Variants in NALCN observed in about 807,000 individuals in gnomAD.
The protein encoded by NALCN is sodium leak channel, non-selective.
NALCN carries 111 observed loss-of-function variants against 225.3 expected under a neutral mutation model. The observed-to-expected ratio is 0.49, with a 90% CI of 0.42 to 0.58. NALCN has a LOEUF of 0.58. NALCN is among the 20% of genes least tolerant of loss of function. NALCN has a pLI of 0.00. For synonymous variants in NALCN, 764 were observed against 769.0 expected (o/e 0.99, Z 0.11); for missense variants, 1,378 against 2,202.4 (o/e 0.63, Z 7.49).
At chr13:101,377,087 G>C in intron 4 of NALCN, 31 bp from the exon 5 acceptor site, 2 of 1,613,574 alleles carry the variant, frequency 1.2e-6, no homozygotes, top group Non-Finnish European at 1.7e-6. Flanking sequence ...AAATGAGGTT[G>C]GATTTTCCCT....
rs375558231 is a variant in NALCN, at chr13:101,415,222, T to C, written c.-40+1091A>G. Reference sequence around the variant, plus strand: ...CAAATCACACACATATATATATATATATACATACATATATATTTCAAAATC... The same window carrying C: ...CAAATCACACACATATATATATATACATACATACATATATATTTCAAAATC... On this transcript the variant is annotated intron_variant, in intron 1 of 43. Coordinates refer to ENST00000251127, the MANE Select transcript of NALCN (RefSeq NM_052867.4). Among the ~76,000 whole-genome samples, 41 of 82,978 alleles carry C rather than the reference T, an allele frequency of 4.9e-4. 2 individuals are homozygous for C. Among genetic ancestry groups the C allele is most frequent in the African/African-American group, 1.2e-3 (20 of 17,348 alleles). 54.4% of individuals were successfully genotyped at this position (82,978 alleles called of 152,430 possible).
At chr13:101,163,579 AAAAT>A in intron 15 of NALCN, among the ~76,000 whole-genome samples, 1 of 152,278 alleles carries the variant, frequency 6.6e-6, no homozygotes, top group Admixed American at 6.5e-5. Flanking sequence ...AAGGCAGAAG[AAAAT>A]AACTCCAACT....
chr13:101,338,766 G>T (rs564962889), intron 7 of NALCN, among the ~76,000 whole-genome samples: 2 of 152,274 alleles, frequency 1.3e-5, no homozygotes, highest in South Asian at 4.1e-4. Flanking sequence ...AGAAAATTAG[G>T]AATAAAACTA....
intron 3 of NALCN, among the ~76,000 whole-genome samples, chr13:101,390,977 T>C (rs1473568635): frequency 6.6e-6 from 1 of 151,904 alleles, no homozygotes; most frequent in Non-Finnish European, 1.5e-5. Flanking sequence ...AGTTAATGGG[T>C]GCAGCACACC....
chr13:101,067,259 AGAGGAGGTGGAC>A (rs1471173165), intron 39 of NALCN, among the ~76,000 whole-genome samples: 1 of 99,898 alleles, frequency 1.0e-5, no homozygotes, highest in Non-Finnish European at 1.9e-5. Flanking sequence ...ATGAGGTGGA[AGAGGAGGTGGAC>A]GAGGAGGAGG....
At chr13:101,080,020 A>T (rs1203202508) in intron 34 of NALCN, among the ~76,000 whole-genome samples, 1 of 152,232 alleles carries the variant, frequency 6.6e-6, no homozygotes, top group Non-Finnish European at 1.5e-5. Flanking sequence ...TAACAAAAAG[A>T]AGGTAATTAT....
rs769486074 is a variant in NALCN, at chr13:101,089,809, TC to T, written c.3390+36del. On this transcript the variant is annotated intron_variant, in intron 29 of 43. Coordinates refer to ENST00000251127, the MANE Select transcript of NALCN (RefSeq NM_052867.4). The surrounding 1 kb of genome is among the most constrained non-coding windows in gnomAD (Gnocchi z 4.7). ...ATTCATCAAAACAAATGAAAGCTGCTCTTGAAGTGTTCAAAGGATTCGATGT... is the reference window on the plus strand; with the variant it reads ...ATTCATCAAAACAAATGAAAGCTGCTTTGAAGTGTTCAAAGGATTCGATGT... 3.2e-5 allele frequency: 51 copies of T among 1,613,870 alleles called. 1 individual carries two copies. In the East Asian group the frequency reaches 1.1e-3, roughly 34 times the overall value.
At chr13:101,391,879 G>A (rs2047156760) in intron 3 of NALCN, among the ~76,000 whole-genome samples, 1 of 150,842 alleles carries the variant, frequency 6.6e-6, no homozygotes, top group African/African-American at 2.5e-5. Flanking sequence ...AGCTACTCGG[G>A]AGGCTAAGGC....
Position 101,074,545 on chromosome 13 carries a change from C to T in NALCN, c.4072G>A (p.Gly1358Ser). The change falls in exon 36 of 44, where the codon GGT (glycine) becomes AGT (serine). Residue 1358 changes from glycine to serine, a missense_variant. Gly to Ser is a moderately conservative substitution (Grantham distance 56). Coordinates refer to ENST00000251127, the MANE Select transcript of NALCN (RefSeq NM_052867.4). The part of the protein sequence containing the change: ...CYAFAGVVLF[G>S]TVKYGENINR... ...ATATTCTCCCCATATTTCACAGTAC[C>T]AAATAAAACAACTCCAGCAAAAGCG... is the stretch of plus-strand genomic sequence containing the variant. 6.2e-7 allele frequency: 1 copy of T among 1,612,604 alleles called. No individual in the cohort carries two copies. Among genetic ancestry groups the T allele is most frequent in the Non-Finnish European group, 8.5e-7 (1 of 1,179,626 alleles).
At chr13:101,276,580 A>T (rs1301737473) in intron 10 of NALCN, among the ~76,000 whole-genome samples, 2 of 152,228 alleles carry the variant, frequency 1.3e-5, no homozygotes, top group African/African-American at 4.8e-5. Flanking sequence ...GCATGCCTGC[A>T]TATGGTTCCT....
chr13:101,369,837 G>A (rs2046487834), intron 6 of NALCN, among the ~76,000 whole-genome samples: 1 of 152,018 alleles, frequency 6.6e-6, no homozygotes, highest in Non-Finnish European at 1.5e-5. Flanking sequence ...CCATGCATTT[G>A]TCTCTTCCCT....
chr13:101,288,764 A>G (rs2043435462), intron 9 of NALCN, among the ~76,000 whole-genome samples: 1 of 152,222 alleles, frequency 6.6e-6, no homozygotes, highest in Non-Finnish European at 1.5e-5. Flanking sequence ...TAAAAGTTAG[A>G]TATGTATTGA....
chr13:101,324,791 G>C (rs903067624), intron 7 of NALCN, among the ~76,000 whole-genome samples: 29 of 152,180 alleles, frequency 1.9e-4, no homozygotes, highest in African/African-American at 7.0e-4. Context: ...TGACTGCCCT[G>C]GCCAGAACTT....
chr13:101,389,183 T>C (rs2047073424), intron 3 of NALCN, among the ~76,000 whole-genome samples: 1 of 152,206 alleles, frequency 6.6e-6, no homozygotes, highest in Non-Finnish European at 1.5e-5. Flanking sequence ...ATCTGTTCAT[T>C]GAAGCTATGG....
Position 101,251,890 on chromosome 13 carries a change from G to A in NALCN, c.1266+6553C>T, listed in dbSNP as rs113526688. On this transcript the variant is annotated intron_variant, in intron 11 of 43. Transcript: ENST00000251127. The stretch of plus-strand genomic sequence containing the variant: ...TGGCAGTTTATGACTCATTCCCTCC[G>A]ACAAGACAACTTAATACATATTTAG... Among the ~76,000 whole-genome samples the A allele has an allele frequency of 4.6e-3, 701 of 152,148 alleles. 5 individuals carry two copies. Among genetic ancestry groups the A allele is most frequent in the African/African-American group, 0.015 (637 of 41,504 alleles).
In NALCN at chr13:101,367,704, T is replaced by A. The variant is rs919827227; in HGVS notation, c.644+8996A>T. 2.8e-4 allele frequency among the ~76,000 whole-genome samples: 43 copies of A among 152,114 alleles called. 1 individual carries two copies. Among genetic ancestry groups the A allele is most frequent in the African/African-American group, 1.0e-3 (42 of 41,430 alleles). On this transcript the variant is annotated intron_variant, in intron 6 of 43. Transcript: ENST00000251127. Reference sequence around the variant, plus strand: ...TTATTTTCTGTGTATATGTTGAAGGTTACATGTACATTTTCAAAAGTAGAT... The same window carrying A: ...TTATTTTCTGTGTATATGTTGAAGGATACATGTACATTTTCAAAAGTAGAT...
chr13:101,338,727 C>T (rs772066252), intron 7 of NALCN, among the ~76,000 whole-genome samples: 2 of 152,178 alleles, frequency 1.3e-5, no homozygotes, highest in Non-Finnish European at 2.9e-5. Flanking sequence ...CAGCATTTCA[C>T]TAAAGGGAAA....
chr13:101,200,026 A>G (rs1282743980), intron 13 of NALCN, among the ~76,000 whole-genome samples: 1 of 152,004 alleles, frequency 6.6e-6, no homozygotes, highest in Non-Finnish European at 1.5e-5. Context: ...TTATATCTCA[A>G]TACTCACTAC....
chr13:101,055,941 A>T (rs1379426875), intron 43 of NALCN, among the ~76,000 whole-genome samples: 1 of 152,046 alleles, frequency 6.6e-6, no homozygotes, highest in Non-Finnish European at 1.5e-5. Context: ...TGGTGTTGGG[A>T]CCCACCTCTG....
Sources: gnomAD v4.1 joint callset for allele counts (sites outside exome capture counted in the v4.1 genomes callset) on GRCh38, gnomAD v4.1.1 for gene constraint, Gnocchi (gnomAD v3.1) non-coding constraint, MANE v1.5 for transcripts, NCBI Gene and HGNC (gene_info 2026-07-23, HGNC 2026-07-21) for gene names.